The following GNA13 variants were observed in gnomAD, a reference collection of about 807,000 sequenced individuals.
GNA13 encodes the protein guanine nucleotide-binding protein subunit alpha-13.
In GNA13, 4 loss-of-function variants were observed where a neutral mutation model predicts 33.5. The observed-to-expected ratio is 0.12, with a 90% CI of 0.06 to 0.27. GNA13 has a LOEUF of 0.27. Among genes scored for constraint, GNA13 ranks in the 10% least tolerant of loss-of-function variants. The pLI is 1.00. For synonymous variants in GNA13, 176 were observed against 183.8 expected, an observed-to-expected ratio of 0.96 and a Z score of 0.34; for missense variants, 319 against 487.2, an observed-to-expected ratio of 0.65 and a Z score of 3.25.
intron 2 of GNA13, among the ~76,000 whole-genome samples, chr17:65,038,329 G>T (rs1005673001): frequency 1.3e-5 from 2 of 152,014 alleles, no homozygotes; most frequent in South Asian, 4.1e-4. Context: ...CTTGAAGCTC[G>T]GAGGCGGAGG....
intron 2 of GNA13, among the ~76,000 whole-genome samples, chr17:65,047,249 G>C (rs1907698293): frequency 6.6e-6 from 1 of 152,158 alleles, no homozygotes; most frequent in South Asian, 2.1e-4. Flanking sequence ...CTGGCTGGGT[G>C]AGGTGGCTCA....
intron 2 of GNA13, among the ~76,000 whole-genome samples, chr17:65,038,054 C>G (rs2143808445): frequency 6.6e-6 from 1 of 152,192 alleles, no homozygotes; most frequent in South Asian, 2.1e-4. Flanking sequence ...CGTTGACTTC[C>G]AACAGGGTTA....
chr17:65,038,415 AAAC>A (rs949534070), intron 2 of GNA13, among the ~76,000 whole-genome samples: 8 of 114,190 alleles, frequency 7.0e-5, no homozygotes, highest in Non-Finnish European at 1.2e-4. Context: ...AAAAAAAAAA[AAAC>A]CATTTATTTT....
intron 2 of GNA13, among the ~76,000 whole-genome samples, chr17:65,045,672 T>C (rs1046198298): frequency 1.3e-5 from 2 of 152,174 alleles, no homozygotes; most frequent in Admixed American, 1.3e-4. Context: ...AAATTTACTA[T>C]TAAACATTGC....
chr17:65,053,765 G>C, intron 1 of GNA13, 37 bp from the exon 2 acceptor site: 1 of 1,239,302 alleles, frequency 8.1e-7, no homozygotes, highest in Non-Finnish European at 1.2e-6. Context: ...GTATGGAGAG[G>C]AGTCATTACA....
At chr17:65,015,279 C>G (rs950117475) in intron 3 of GNA13, among the ~76,000 whole-genome samples, 1 of 152,194 alleles carries the variant, frequency 6.6e-6, no homozygotes, top group Non-Finnish European at 1.5e-5. Flanking sequence ...TGCAATCTTA[C>G]TCCCCACTAT....
chr17:65,031,942 G>GTT (rs1907061514), intron 2 of GNA13, among the ~76,000 whole-genome samples: 2 of 145,780 alleles, frequency 1.4e-5, no homozygotes, highest in Admixed American at 1.3e-4. Flanking sequence ...GTGTGTGTGT[G>GTT]TGTGTGTGTG....
chr17:65,047,082 TA>T (rs1425130444), intron 2 of GNA13, among the ~76,000 whole-genome samples: 1 of 152,136 alleles, frequency 6.6e-6, no homozygotes, highest in African/African-American at 2.4e-5. Flanking sequence ...ACGGAAATTT[TA>T]AAAAAGAAAT....
rs193161260 is a variant in GNA13 at position 65,047,232 on chromosome 17, A to G, written c.510+6270T>C. ...AATTAAACTCAACTTTAAAATCTCTACTATCTCTGGCTGGGTGAGGTGGCT... is the reference window on the plus strand; with the variant it reads ...AATTAAACTCAACTTTAAAATCTCTGCTATCTCTGGCTGGGTGAGGTGGCT... On this transcript the variant is annotated intron_variant, in intron 2 of 3. Transcript: ENST00000439174. Among the ~76,000 whole-genome samples the G allele has an allele frequency of 2.1e-3, 323 of 152,266 alleles. 3 individuals carry two copies. Among genetic ancestry groups the G allele is most frequent in the Admixed American group, 4.3e-3 (66 of 15,290 alleles).
chr17:65,045,015 C>T (rs1907607173), intron 2 of GNA13, among the ~76,000 whole-genome samples: 1 of 141,068 alleles, frequency 7.1e-6, no homozygotes, highest in Non-Finnish European at 1.5e-5. Context: ...TGCACTCTAG[C>T]GTGGGCAACA....
At chr17:65,050,052 G>A (rs1246843797) in intron 2 of GNA13, among the ~76,000 whole-genome samples, 2 of 152,156 alleles carry the variant, frequency 1.3e-5, no homozygotes, top group African/African-American at 2.4e-5. Context: ...TGGAATCACA[G>A]GTAAGCTAGC....
Position 65,011,280 on chromosome 17 carries a change from AC to A in GNA13, c.*2976del, listed in dbSNP as rs1289839975. 2 of 199,188 alleles carry A rather than the reference AC, an allele frequency of 1.0e-5. No individual in the cohort carries two copies. The highest frequency in any genetic ancestry group is 4.6e-5 in the African/African-American group (2 of 43,442). 12.3% of individuals were successfully genotyped at this position (199,188 alleles called of 1,614,324 possible). A position where few individuals can be genotyped will look rare whatever the true frequency, so the allele number is the denominator to read the frequency against. On this transcript the variant is annotated 3_prime_UTR_variant, in exon 4 of 4. Transcript: ENST00000439174. Reference sequence around the variant, plus strand: ...CTCAATTTGAGAGACTAACCAGAGGACCTTCTCTATGCAAATTACATGCCAA... The same window carrying A: ...CTCAATTTGAGAGACTAACCAGAGGACTTCTCTATGCAAATTACATGCCAA...
At chr17:65,028,652 T>C (rs1209924114) in intron 2 of GNA13, among the ~76,000 whole-genome samples, 1 of 152,152 alleles carries the variant, frequency 6.6e-6, no homozygotes, top group African/African-American at 2.4e-5. Flanking sequence ...TGCAGATCAC[T>C]TGTCTTGGCC....
At chr17:65,033,613 C>T (rs545534971) in intron 2 of GNA13, among the ~76,000 whole-genome samples, 3 of 152,140 alleles carry the variant, frequency 2.0e-5, no homozygotes, top group Admixed American at 6.6e-5. Flanking sequence ...AACTTATAGC[C>T]GACAAGCCAT....
intron 2 of GNA13, among the ~76,000 whole-genome samples, chr17:65,034,342 G>A (rs1907166701): frequency 6.6e-6 from 1 of 150,662 alleles, no homozygotes; most frequent in Non-Finnish European, 1.5e-5. Flanking sequence ...AAGTTTTTGT[G>A]TTGGCCTTAT....
chr17:65,049,853 G>A (rs1441049517), intron 2 of GNA13, among the ~76,000 whole-genome samples: 1 of 152,114 alleles, frequency 6.6e-6, no homozygotes, highest in Non-Finnish European at 1.5e-5. Flanking sequence ...CCAGTCCATG[G>A]GGTCCATGGG....
chr17:65,032,730 C>A (rs4791244), intron 2 of GNA13, among the ~76,000 whole-genome samples: 150,044 of 152,250 alleles, frequency 0.99, 73,975 homozygotes, highest in Middle Eastern at 1. Flanking sequence ...GGTTGTCACA[C>A]GGGACCTATT....
In GNA13 at chr17:65,018,139, A is replaced by AGG. The variant is rs1906449749; in HGVS notation, c.561+113_561+114insCC. The AGG allele has an allele frequency of 2.5e-5, 5 of 197,150 alleles. 1 individual carries two copies. Among genetic ancestry groups the AGG allele is most frequent in the South Asian group, 4.3e-5 (1 of 23,346 alleles). 12.2% of individuals were successfully genotyped at this position (197,150 alleles called of 1,614,324 possible). Reference sequence around the variant, plus strand: ...AAAAAAAAAAAAAAAAAAAAAAAAAAGAGAGAAAGAAGCAAATAGCTTAAT... The same window carrying AGG: ...AAAAAAAAAAAAAAAAAAAAAAAAAAGGGAGAGAAAGAAGCAAATAGCTTAAT... On this transcript the variant is annotated intron_variant, in intron 3 of 3. Transcript: ENST00000439174.
In GNA13 at chr17:65,014,093, A is replaced by G. The variant is rs1241505811; in HGVS notation, c.*164T>C. 1.7e-6 allele frequency: 1 copy of G among 587,232 alleles called. No homozygotes were observed. The highest frequency in any genetic ancestry group is 3.0e-6 in the Non-Finnish European group (1 of 332,018). 36.4% of individuals were successfully genotyped at this position (587,232 alleles called of 1,614,324 possible). A position where few individuals can be genotyped will look rare whatever the true frequency, so the allele number is the denominator to read the frequency against. ...GGCGATGAGTCACTCAACAGCTTTC[A>G]GCCACAAACCAAAGGCCGCAGAAAA... On this transcript the variant is annotated 3_prime_UTR_variant, in exon 4 of 4. Coordinates refer to ENST00000439174, the MANE Select transcript of GNA13 (RefSeq NM_006572.6). The surrounding 1 kb of genome is among the most constrained non-coding windows in gnomAD (Gnocchi z 5.3).
Sources: allele counts gnomAD v4.1 joint callset (sites outside exome capture counted in the v4.1 genomes callset), GRCh38; gene constraint gnomAD v4.1.1; non-coding constraint Gnocchi (gnomAD v3.1); transcripts MANE v1.5; gene names NCBI Gene and HGNC (gene_info 2026-07-23, HGNC 2026-07-21).